HIP1R: variants seen among roughly 807,000 people sequenced by gnomAD.
HIP1R encodes the protein huntingtin interacting protein 1 related.
Under a neutral mutation model 144.2 loss-of-function variants are expected in HIP1R, and 135 were observed. That is an observed-to-expected ratio of 0.94 (90% CI 0.81 to 1.08). The LOEUF is 1.08. Among genes scored for constraint, HIP1R ranks in the 50% least tolerant of loss-of-function variants. The pLI is 0.00. For synonymous variants in HIP1R, 698 were observed against 612.8 expected (o/e 1.14, Z -2.05); for missense variants, 1,462 against 1,432.8 (o/e 1.02, Z -0.33).
At chr12:122,854,611 A>G (rs1035738836) in intron 8 of HIP1R, among the ~76,000 whole-genome samples, 1 of 152,222 alleles carries the variant, frequency 6.6e-6, no homozygotes, top group Non-Finnish European at 1.5e-5. Flanking sequence ...GCCTGGGACC[A>G]ACGTGTTTGG....
Position 122,856,039 on chromosome 12 carries a change from G to A in HIP1R, c.1188G>A (p.Glu396=), listed in dbSNP as rs1213807430. The A allele has an allele frequency of 6.3e-7, 1 of 1,595,752 alleles. No homozygotes were observed. Among genetic ancestry groups the A allele is most frequent in the Non-Finnish European group, 8.5e-7 (1 of 1,171,470 alleles). The change falls in exon 14 of 32, where the codon GAG becomes GAA. Residue 396 remains glutamate (E), a synonymous_variant. Transcript: ENST00000253083. ...SQVNALEGEL[E]EQRKQKQKAL... is the part of the protein sequence containing the mutation. ...TGAATGCACTGGAGGGTGAGCTGGA[G>A]GAGCAGCGGAAGCAGAAGCAGAAGG...
intron 6 of HIP1R, 97 bp downstream of exon 6, chr12:122,851,008 G>GT: frequency 3.6e-6 from 4 of 1,101,558 alleles, no homozygotes. Flanking sequence ...GGGCAGTGGG[G>GT]TTGAATGAGT....
chr12:122,857,682 A>G (rs1587856), intron 18 of HIP1R: 226,770 of 267,378 alleles, frequency 0.85, 96,847 homozygotes, highest in Admixed American at 0.91. Context: ...TGGCTGCACC[A>G]TTTTACACTC....
Position 122,858,366 on chromosome 12 carries a change from G to A in HIP1R, c.1981G>A (p.Ala661Thr). Residue 661 changes from alanine to threonine, a missense_variant, in exon 20 of 32, where the codon GCC becomes ACC. By Grantham distance (58) the Ala-to-Thr change is moderately conservative (BLOSUM62 0). Transcript: ENST00000253083. Reference protein sequence around the residue: ...TSSPDYLVSRAQEALDAVSTL... With the variant: ...TSSPDYLVSRTQEALDAVSTL... The stretch of plus-strand genomic sequence containing the variant: ...GCTTGCAGACTACCTGGTGAGCAGG[G>A]CCCAGGAGGCCTTGGATGCCGTGAG... 9.9e-6 allele frequency: 16 copies of A among 1,610,562 alleles called. No individual in the cohort carries two copies. Among genetic ancestry groups the A allele is most frequent in the Non-Finnish European group, 1.4e-5 (16 of 1,178,200 alleles).
At position 122,859,775 on chromosome 12, in the gene HIP1R, A is replaced by G; in HGVS notation, c.2410A>G (p.Met804Val). 1.2e-6 allele frequency: 2 copies of G among 1,612,960 alleles called. No homozygotes were observed. The highest frequency in any genetic ancestry group is 1.7e-6 in the Non-Finnish European group (2 of 1,179,790). Residue 804 changes from methionine (M) to valine (V), a missense_variant, in exon 24 of 32, where the codon ATG becomes GTG. Physicochemically the swap from Met to Val is conservative, Grantham distance 21. Around this residue, in one of 2 missense-constraint regions of HIP1R, gnomAD observed 1,112 missense variants for 1,011.7 expected, o/e 1.10. Transcript: ENST00000253083. ...IEDAVRRIED[M>V]MNQARHASSG... is the part of the protein sequence containing the mutation. ...ACGGCTCTGTTCTTGGGTGCAGGAC[A>G]TGATGAACCAGGCACGCCACGCCAG...
At chr12:122,843,388 G>T (rs1197105056) in intron 1 of HIP1R, among the ~76,000 whole-genome samples, 1 of 152,204 alleles carries the variant, frequency 6.6e-6, no homozygotes, top group Admixed American at 6.5e-5. Context: ...CATTAATGAG[G>T]CAACACTGGA....
At position 122,855,085 on chromosome 12, in the gene HIP1R, T is replaced by C. The variant is rs759518295; in HGVS notation, c.809T>C (p.Met270Thr). ...AACTTCTTCCGCAGAGCCTCCGACA[T>C]GCTGTACTTCAAGCGGCTCATCCAG... ...LRNFFRRASD[M>T]LYFKRLIQIP... The change falls in exon 10 of 32, where the codon ATG becomes ACG. Residue 270 changes from methionine to threonine, a missense_variant. Transcript: ENST00000253083. 32 of 1,613,666 alleles carry C rather than the reference T, an allele frequency of 2.0e-5. 1 individual carries two copies. The Admixed American group carries it at 5.2e-4, about 26-fold the overall frequency.
chr12:122,836,712 A>G lies in HIP1R; in HGVS notation c.93+1069A>G, dbSNP rs1027053577. Among the ~76,000 whole-genome samples the G allele has an allele frequency of 6.6e-6, 1 of 152,094 alleles. No homozygotes were observed. The highest frequency in any genetic ancestry group is 1.5e-5 in the Non-Finnish European group (1 of 68,012). On this transcript the variant is annotated intron_variant, in intron 1 of 31. Coordinates refer to ENST00000253083, the MANE Select transcript of HIP1R (RefSeq NM_003959.3). This position sits in a 1 kb window ranked among gnomAD's most constrained non-coding sequence, Gnocchi z 4.1. ...GGTGACATTTGCGTTTGTGGCGGCTATTTGCAAGTTCCGTCCCACTTGTCC... is the reference window on the plus strand; with the variant it reads ...GGTGACATTTGCGTTTGTGGCGGCTGTTTGCAAGTTCCGTCCCACTTGTCC...
At chr12:122,859,368 C>A in intron 22 of HIP1R, 58 bp from the exon 23 acceptor site, 1 of 1,520,548 alleles carries the variant, frequency 6.6e-7, no homozygotes, top group Non-Finnish European at 9.1e-7. Flanking sequence ...CTTTCCCAGG[C>A]TGCCCGTGGG....
Position 122,860,217 on chromosome 12 carries a change from G to A in HIP1R, c.2559+7G>A. The A allele has an allele frequency of 6.4e-7, 1 of 1,552,004 alleles. No homozygotes were observed. Among genetic ancestry groups the A allele is most frequent in the Non-Finnish European group, 8.7e-7 (1 of 1,150,616 alleles). Reference sequence around the variant, plus strand: ...GATCGTGGAGAGCGGCAGGGTGAGGGGCCGGCGGCAGCAGGGCACAGTCCA... The same window carrying A: ...GATCGTGGAGAGCGGCAGGGTGAGGAGCCGGCGGCAGCAGGGCACAGTCCA... On this transcript the variant is annotated splice_region_variant and intron_variant, in intron 26 of 31. Transcript: ENST00000253083.
intron 1 of HIP1R, among the ~76,000 whole-genome samples, chr12:122,835,947 C>T (rs1336232367): frequency 2.0e-5 from 3 of 149,998 alleles, no homozygotes; most frequent in African/African-American, 4.9e-5. Flanking sequence ...GTGCGCGGGC[C>T]GGGAGCGCCG....
intron 18 of HIP1R, chr12:122,857,865 T>G (rs1046408537): frequency 4.8e-6 from 2 of 416,176 alleles, no homozygotes; most frequent in Non-Finnish European, 8.5e-6. Flanking sequence ...ACCTGGCCAT[T>G]TGTGTATCTT....
Position 122,859,551 on chromosome 12 carries a change from T to TG in HIP1R, c.2406+19dup. ...GGAGGATTGAGGTGAGCACGGGATCTGGGGACTCCCCTCATTCCTGTGGAG... is the reference window on the plus strand; with the variant it reads ...GGAGGATTGAGGTGAGCACGGGATCTGGGGGACTCCCCTCATTCCTGTGGAG... On this transcript the variant is annotated intron_variant, in intron 23 of 31. Transcript: ENST00000253083. The TG allele has an allele frequency of 6.3e-7, 1 of 1,590,894 alleles. No individual in the cohort carries two copies. The highest frequency in any genetic ancestry group is 8.6e-7 in the Non-Finnish European group (1 of 1,160,132).
chr12:122,855,138 C>A lies in HIP1R; in HGVS notation c.852+10C>A, dbSNP rs770779949. On this transcript the variant is annotated intron_variant, in intron 10 of 31. Coordinates refer to ENST00000253083, the MANE Select transcript of HIP1R (RefSeq NM_003959.3). ...CCCCCGGCTGCCCGAGGTACCACCCCCAAGAGGGCCCCGAGGCCCTTTGAG... is the reference window on the plus strand; with the variant it reads ...CCCCCGGCTGCCCGAGGTACCACCCACAAGAGGGCCCCGAGGCCCTTTGAG... 5.6e-6 allele frequency: 9 copies of A among 1,613,182 alleles called. No homozygotes were observed. The highest frequency in any genetic ancestry group is 1.1e-5 in the South Asian group (1 of 91,084).
intron 17 of HIP1R, 23 bp downstream of exon 17, chr12:122,856,749 G>C: frequency 6.5e-7 from 1 of 1,543,904 alleles, no homozygotes; most frequent in African/African-American, 1.4e-5. Context: ...TTGATGACTG[G>C]AGGTGGGGTT....
In HIP1R at chr12:122,835,522, G is replaced by T; in HGVS notation, c.-29G>T. The T allele has an allele frequency of 7.5e-7, 1 of 1,326,502 alleles. No individual in the cohort carries two copies. The highest frequency in any genetic ancestry group is 9.7e-7 in the Non-Finnish European group (1 of 1,030,680). The allele number at this position is 1,326,502 out of a possible 1,614,324, so 82.2% of individuals were successfully genotyped here. A position where few individuals can be genotyped will look rare whatever the true frequency, so the allele number is the denominator to read the frequency against. On this transcript the variant is annotated 5_prime_UTR_variant, in exon 1 of 32. Transcript: ENST00000253083. ...TGAGGCTGTGAGTCGCGCGGACGGA[G>T]CCGGACAAAAGCGGGCGGCGGCGGC...
Position 122,836,004 on chromosome 12 carries a change from G to A in HIP1R, c.93+361G>A, listed in dbSNP as rs561736715. ...GAGATGGGGCCGGGGTTGGGTGTGC[G>A]CGAGCCCAGCGCGCCGGGGGTCGAG... On this transcript the variant is annotated intron_variant, in intron 1 of 31. Transcript: ENST00000253083. The surrounding 1 kb of genome is among the most constrained non-coding windows in gnomAD (Gnocchi z 4.1). Among the ~76,000 whole-genome samples the A allele has an allele frequency of 6.6e-6, 1 of 151,612 alleles. No individual in the cohort carries two copies. Among genetic ancestry groups the A allele is most frequent in the South Asian group, 2.1e-4 (1 of 4,808 alleles).
chr12:122,851,580 T>A (rs920854999), intron 7 of HIP1R, among the ~76,000 whole-genome samples: 2 of 151,866 alleles, frequency 1.3e-5, no homozygotes, highest in Admixed American at 6.6e-5. Context: ...CACGCCTGTA[T>A]TCCCAGCTAC....
chr12:122,854,291 TG>T, intron 8 of HIP1R, 108 bp downstream of exon 8: 1 of 895,860 alleles, frequency 1.1e-6, no homozygotes, highest in Non-Finnish European at 1.6e-6. Context: ...CATTTAAAAA[TG>T]GCAGTAATAA....
Sources: gnomAD v4.1 joint callset for allele counts (sites outside exome capture counted in the v4.1 genomes callset) on GRCh38, gnomAD v4.1.1 for gene constraint, gnomAD v4.1.1 regional missense constraint, Gnocchi (gnomAD v3.1) non-coding constraint, MANE v1.5 for transcripts, NCBI Gene and HGNC (gene_info 2026-07-23, HGNC 2026-07-21) for gene names.